Variants in DCDC2 observed in about 807,000 individuals in gnomAD.
The protein encoded by DCDC2 is doublecortin domain containing 2.
In DCDC2, 40 loss-of-function variants were observed where a neutral mutation model predicts 50.2. That is an observed-to-expected ratio of 0.80 (90% CI 0.62 to 1.04). DCDC2 has a LOEUF of 1.04. Ranked by LOEUF, DCDC2 falls within the 50% of genes least tolerant of loss-of-function variation. The pLI is 0.00. For missense variants in DCDC2, 570 were observed against 581.9 expected, an observed-to-expected ratio of 0.98 and a Z score of 0.21; for synonymous variants, 234 against 210.6, an observed-to-expected ratio of 1.11 and a Z score of -0.96.
At chr6:24,308,494 T>C (rs1425882996) in intron 2 of DCDC2, among the ~76,000 whole-genome samples, 2 of 152,172 alleles carry the variant, frequency 1.3e-5, no homozygotes, top group African/African-American at 4.8e-5. Flanking sequence ...TAAATTTCTA[T>C]AAGTTTTATA....
At chr6:24,187,227 G>T (rs1258782834) in intron 8 of DCDC2, among the ~76,000 whole-genome samples, 5 of 152,158 alleles carry the variant, frequency 3.3e-5, no homozygotes. Flanking sequence ...GCTGGATGTG[G>T]CAGGGAAAGA....
At chr6:24,290,795 G>A in intron 5 of DCDC2, 137 bp downstream of exon 5, 2 of 690,478 alleles carry the variant, frequency 2.9e-6, no homozygotes, top group Non-Finnish European at 2.2e-6. Flanking sequence ...AAAGATCAAT[G>A]TATACCATAT....
intron 8 of DCDC2, 143 bp downstream of exon 8, chr6:24,204,859 T>C (rs937221148): frequency 2.7e-6 from 2 of 730,834 alleles, no homozygotes; most frequent in African/African-American, 1.8e-5. Context: ...TGTTTTGTTA[T>C]GTTTTTAAGG....
At chr6:24,221,586 A>C (rs554124704) in intron 7 of DCDC2, among the ~76,000 whole-genome samples, 1 of 152,316 alleles carries the variant, frequency 6.6e-6, no homozygotes, top group East Asian at 1.9e-4. Flanking sequence ...CTTCACACAC[A>C]ACATGGTCAG....
intron 8 of DCDC2, among the ~76,000 whole-genome samples, chr6:24,190,994 T>C (rs1003275644): frequency 3.9e-5 from 6 of 152,230 alleles, no homozygotes; most frequent in African/African-American, 9.6e-5. Context: ...ACAGGACCGC[T>C]GTGCTAATTC....
chr6:24,270,990 G>A (rs1763223762), intron 7 of DCDC2, among the ~76,000 whole-genome samples: 1 of 152,004 alleles, frequency 6.6e-6, no homozygotes, highest in South Asian at 2.1e-4. Flanking sequence ...GGGAGGCCAA[G>A]GCAGGCAGAT....
chr6:24,205,532 CGTATTGGAATAATTCTCTCTATTCAGA>C (rs140877780), intron 7 of DCDC2, among the ~76,000 whole-genome samples: 5,935 of 152,190 alleles, frequency 0.039, 410 homozygotes, highest in Middle Eastern at 0.069. Context: ...TTCAATATAA[CGTATTGGAATAATTCTCTCTATTCAGA>C]GTATTATAAA....
intron 7 of DCDC2, among the ~76,000 whole-genome samples, chr6:24,239,836 C>A (rs4712812): frequency 6.6e-6 from 1 of 152,320 alleles, no homozygotes; most frequent in South Asian, 2.1e-4. Flanking sequence ...GAGTTTTTGA[C>A]GTCTCTGGCT....
rs141937311 is a variant in DCDC2 at position 24,297,450 on chromosome 6, G to A, written c.557+4265C>T. Among the ~76,000 whole-genome samples, 9 of 152,140 alleles carry A rather than the reference G, an allele frequency of 5.9e-5. No individual in the cohort carries two copies. In the East Asian group the frequency reaches 7.7e-4, roughly 13 times the overall value. Reference sequence around the variant, plus strand: ...ATGCAACTAACCTGCACATGTACCCGTGAACCTAAAATACAAGTTTAAAAA... The same window carrying A: ...ATGCAACTAACCTGCACATGTACCCATGAACCTAAAATACAAGTTTAAAAA... On this transcript the variant is annotated intron_variant, in intron 4 of 9. Transcript: ENST00000378454.
At chr6:24,247,814 C>A (rs550469887) in intron 7 of DCDC2, among the ~76,000 whole-genome samples, 190 of 152,328 alleles carry the variant, frequency 1.2e-3, no homozygotes, top group Middle Eastern at 3.4e-3. Context: ...GTGGCTCACG[C>A]CTTTAATTCC....
At chr6:24,294,964 C>T (rs562985349) in intron 4 of DCDC2, among the ~76,000 whole-genome samples, 3 of 152,130 alleles carry the variant, frequency 2.0e-5, no homozygotes, top group Admixed American at 2.0e-4. Context: ...TCAACTTGTT[C>T]TATGAGGCCA....
At position 24,205,110 on chromosome 6, in the gene DCDC2, G is replaced by A. The variant is rs1313039709; in HGVS notation, c.923-8C>T. 4 of 1,613,998 alleles carry A rather than the reference G, an allele frequency of 2.5e-6. No individual in the cohort carries two copies. The highest frequency in any genetic ancestry group is 3.4e-6 in the Non-Finnish European group (4 of 1,180,016). On this transcript the variant is annotated splice_region_variant and splice_polypyrimidine_tract_variant and intron_variant, in intron 7 of 9. Coordinates refer to ENST00000378454, the MANE Select transcript of DCDC2 (RefSeq NM_016356.5). ...CTTTGAAAATGCCTTCATCTATTGA[G>A]ACAAACACACAGTGAAAATCAAAAT...
At chr6:24,332,230 C>G (rs770472238) in intron 2 of DCDC2, among the ~76,000 whole-genome samples, 1 of 151,286 alleles carries the variant, frequency 6.6e-6, no homozygotes, top group Non-Finnish European at 1.5e-5. Context: ...TTCCCCTCCC[C>G]GAAAACCGGG....
intron 2 of DCDC2, among the ~76,000 whole-genome samples, chr6:24,308,404 C>A (rs1196949677): frequency 6.6e-6 from 1 of 152,200 alleles, no homozygotes; most frequent in African/African-American, 2.4e-5. Flanking sequence ...ATGGATTATA[C>A]TATAAGATCA....
chr6:24,353,203 T>C (rs1209112909), intron 2 of DCDC2: 1 of 442,648 alleles, frequency 2.3e-6, no homozygotes, highest in Non-Finnish European at 4.6e-6. Flanking sequence ...AAACACTGAG[T>C]TATCAGAGGC....
At chr6:24,274,177 A>G (rs807700) in intron 7 of DCDC2, among the ~76,000 whole-genome samples, 84,020 of 152,126 alleles carry the variant, frequency 0.55, 26,165 homozygotes, top group East Asian at 0.78. Context: ...AGCCCTTTCA[A>G]TATTCCTACA....
intron 7 of DCDC2, among the ~76,000 whole-genome samples, chr6:24,245,308 G>A (rs1213086154): frequency 6.6e-6 from 1 of 152,198 alleles, no homozygotes; most frequent in Admixed American, 6.5e-5. Flanking sequence ...AGGTCCACAA[G>A]TGGAGTGTTG....
chr6:24,314,666 A>C (rs1158071709), intron 2 of DCDC2, among the ~76,000 whole-genome samples: 1 of 152,142 alleles, frequency 6.6e-6, no homozygotes, highest in East Asian at 1.9e-4. Context: ...AACATTGACT[A>C]GATCAGCTAG....
upstream of DCDC2, among the ~76,000 whole-genome samples, chr6:24,360,401 T>C (rs564394801): frequency 6.6e-6 from 1 of 152,260 alleles, no homozygotes; most frequent in African/African-American, 2.4e-5. Context: ...CTACAAAATT[T>C]TGAGTGCCTA....
Sources: gnomAD v4.1 joint callset for allele counts (sites outside exome capture counted in the v4.1 genomes callset) on GRCh38, gnomAD v4.1.1 for gene constraint, MANE v1.5 for transcripts, NCBI Gene and HGNC (gene_info 2026-07-23, HGNC 2026-07-21) for gene names.